TLL2: variants seen among roughly 807,000 people sequenced by gnomAD.
TLL2 encodes tolloid-like protein 2.
In TLL2, 106 loss-of-function variants were observed where a neutral mutation model predicts 123.0. That is an observed-to-expected ratio of 0.86 (90% CI 0.74 to 1.01). TLL2 has a LOEUF of 1.01. Among genes scored for constraint, TLL2 ranks in the 50% least tolerant of loss-of-function variants. TLL2 has a pLI of 0.00. For synonymous variants in TLL2, 494 were observed against 516.8 expected (o/e 0.96, Z 0.60); for missense variants, 1,332 against 1,336.7 (o/e 1.00, Z 0.06).
At chr10:96,491,774 G>A (rs541815571) in intron 1 of TLL2, among the ~76,000 whole-genome samples, 1 of 152,282 alleles carries the variant, frequency 6.6e-6, no homozygotes, top group African/African-American at 2.4e-5. Flanking sequence ...GGTGTTTGCT[G>A]ATTTCCCTGT....
intron 2 of TLL2, among the ~76,000 whole-genome samples, chr10:96,478,232 C>G (rs1307385127): frequency 2.0e-5 from 3 of 152,210 alleles, no homozygotes. Flanking sequence ...CCCCCAAGGA[C>G]AGCAGGACAG....
intron 5 of TLL2, among the ~76,000 whole-genome samples, 154 bp from the exon 6 acceptor site, chr10:96,422,881 A>T (rs1254122020): frequency 1.3e-5 from 2 of 152,120 alleles, no homozygotes; most frequent in Non-Finnish European, 2.9e-5. Context: ...TAATCCCAGA[A>T]CTTTGGGAGG....
At chr10:96,498,270 T>C (rs988444686) in intron 1 of TLL2, among the ~76,000 whole-genome samples, 3 of 152,242 alleles carry the variant, frequency 2.0e-5, no homozygotes, top group Non-Finnish European at 2.9e-5. Flanking sequence ...CCTACGGCCA[T>C]GCCAAGAGCT....
intron 3 of TLL2, among the ~76,000 whole-genome samples, chr10:96,441,291 G>C (rs962237158): frequency 6.6e-6 from 1 of 152,232 alleles, no homozygotes; most frequent in Non-Finnish European, 1.5e-5. Context: ...CCCCAAAGGT[G>C]ATGGGTGAAT....
chr10:96,445,891 C>T (rs1264019496), intron 3 of TLL2, among the ~76,000 whole-genome samples, 200 bp downstream of exon 3: 1 of 152,150 alleles, frequency 6.6e-6, no homozygotes, highest in Non-Finnish European at 1.5e-5. Context: ...ATGGGAGTGA[C>T]TGCTTCATGA....
intron 2 of TLL2, among the ~76,000 whole-genome samples, chr10:96,446,605 G>A (rs1846899386): frequency 6.6e-6 from 1 of 152,122 alleles, no homozygotes; most frequent in African/African-American, 2.4e-5. Flanking sequence ...TACTCAATGC[G>A]TCCTGTGACT....
At chr10:96,417,508 G>A (rs538853897) in intron 7 of TLL2, among the ~76,000 whole-genome samples, 2 of 152,324 alleles carry the variant, frequency 1.3e-5, no homozygotes, top group East Asian at 3.9e-4. Flanking sequence ...CCAGTAAGAG[G>A]TGGAGTCTAT....
chr10:96,434,778 A>C (rs1403885034), intron 3 of TLL2, among the ~76,000 whole-genome samples: 2 of 152,222 alleles, frequency 1.3e-5, no homozygotes, highest in African/African-American at 4.8e-5. Context: ...TTTTCAAAAC[A>C]GTGGCACCAT....
intron 13 of TLL2, among the ~76,000 whole-genome samples, chr10:96,387,939 G>C (rs1016766386): frequency 6.6e-6 from 1 of 152,198 alleles, no homozygotes; most frequent in Admixed American, 6.5e-5. Context: ...CCCTGAAAGA[G>C]AGCATGTGGG....
At chr10:96,373,871 C>T (rs1299649565) in intron 18 of TLL2, 62 bp from the exon 19 acceptor site, 3 of 1,496,170 alleles carry the variant, frequency 2.0e-6, no homozygotes, top group Non-Finnish European at 2.7e-6. Context: ...TGGGGGCCTC[C>T]TTTCCAGTTC....
chr10:96,486,279 C>T (rs1026816088), intron 1 of TLL2, among the ~76,000 whole-genome samples: 3 of 152,024 alleles, frequency 2.0e-5, no homozygotes, highest in East Asian at 3.9e-4. Flanking sequence ...ATGCTGAAAC[C>T]AAAAGAAAAC....
chr10:96,397,737 A>G (rs1186381297), intron 10 of TLL2, among the ~76,000 whole-genome samples: 3 of 152,218 alleles, frequency 2.0e-5, no homozygotes, highest in African/African-American at 7.2e-5. Context: ...GCCAGGGAAA[A>G]CACAGCAAAG....
At chr10:96,489,055 G>T (rs559229595) in intron 1 of TLL2, among the ~76,000 whole-genome samples, 3 of 152,156 alleles carry the variant, frequency 2.0e-5, no homozygotes, top group African/African-American at 4.8e-5. Flanking sequence ...AGCAAAGAGC[G>T]CTGTGACTAA....
At chr10:96,405,799 C>T (rs1374214867) in intron 9 of TLL2, among the ~76,000 whole-genome samples, 2 of 152,194 alleles carry the variant, frequency 1.3e-5, no homozygotes, top group Non-Finnish European at 2.9e-5. Flanking sequence ...ACCTCACTCT[C>T]CTGAGGTGTG....
At chr10:96,384,325 C>T (rs1055928914) in intron 16 of TLL2, among the ~76,000 whole-genome samples, 14 of 152,120 alleles carry the variant, frequency 9.2e-5, no homozygotes, top group Non-Finnish European at 1.8e-4. Flanking sequence ...GAATTCTGGC[C>T]CCCAGAACTG....
intron 3 of TLL2, among the ~76,000 whole-genome samples, chr10:96,433,482 T>C (rs1433227151): frequency 6.6e-6 from 1 of 152,146 alleles, no homozygotes; most frequent in African/African-American, 2.4e-5. Flanking sequence ...TTGGCATCTG[T>C]ACCCTTAAGA....
chr10:96,504,868 C>T (rs938013187), intron 1 of TLL2, among the ~76,000 whole-genome samples: 5 of 151,930 alleles, frequency 3.3e-5, no homozygotes, highest in Admixed American at 6.6e-5. Context: ...ATTAGCCAGG[C>T]GTGGTGGCGG....
chr10:96,488,862 G>C (rs1307898172), intron 1 of TLL2, among the ~76,000 whole-genome samples: 2 of 152,232 alleles, frequency 1.3e-5, no homozygotes, highest in East Asian at 3.8e-4. Flanking sequence ...GGAAACCCCT[G>C]CGTGGAAGGA....
chr10:96,470,825 T>G (rs534185943), intron 2 of TLL2, among the ~76,000 whole-genome samples: 1 of 152,320 alleles, frequency 6.6e-6, no homozygotes, highest in East Asian at 1.9e-4. Context: ...TGTGTGAAGA[T>G]TAAATAAAAT....
Sources: gnomAD v4.1 joint callset for allele counts (sites outside exome capture counted in the v4.1 genomes callset) on GRCh38, gnomAD v4.1.1 for gene constraint, MANE v1.5 for transcripts, NCBI Gene and HGNC (gene_info 2026-07-23, HGNC 2026-07-21) for gene names.